ME3: variants seen among roughly 807,000 people sequenced by gnomAD.
The protein encoded by ME3 is NADP-dependent malic enzyme, mitochondrial.
Under a neutral mutation model 68.9 loss-of-function variants are expected in ME3, and 48 were observed. The ratio of observed to expected loss-of-function variants is 0.70; its 90% CI spans 0.55 to 0.89. The LOEUF (loss-of-function observed/expected upper bound fraction) is 0.89, where lower values mean the gene tolerates loss of function less well. Ranked by LOEUF, ME3 falls within the 40% of genes least tolerant of loss-of-function variation. The pLI, the probability that ME3 is intolerant of heterozygous loss-of-function variation, is 0.00. For synonymous variants in ME3, 320 were observed against 318.8 expected (o/e 1.00, Z -0.04); for missense variants, 675 against 797.4 (o/e 0.85, Z 1.85).
intron 5 of ME3, among the ~76,000 whole-genome samples, chr11:86,501,825 A>G (rs1042326907): frequency 6.6e-6 from 1 of 152,136 alleles, no homozygotes; most frequent in Non-Finnish European, 1.5e-5. Flanking sequence ...CATCTGTTCC[A>G]TTATCTTCAT....
intron 2 of ME3, among the ~76,000 whole-genome samples, chr11:86,605,587 G>A (rs1480343465): frequency 6.6e-6 from 1 of 152,092 alleles, no homozygotes; most frequent in East Asian, 1.9e-4. Context: ...TCTATGACCT[G>A]GCATTTTCTG....
At chr11:86,658,758 C>T (rs892929485) in intron 2 of ME3, among the ~76,000 whole-genome samples, 1 of 152,124 alleles carries the variant, frequency 6.6e-6, no homozygotes, top group Non-Finnish European at 1.5e-5. Context: ...TCATCTCCCA[C>T]AAGCATGGCT....
chr11:86,449,850 A>C (rs1949534266), intron 10 of ME3, 39 bp downstream of exon 10: 1 of 1,467,702 alleles, frequency 6.8e-7, no homozygotes, highest in Non-Finnish European at 9.5e-7. Flanking sequence ...GGGAGCTATA[A>C]GGTGTCAGGA....
At chr11:86,472,522 T>A (rs1176629173) in intron 7 of ME3, among the ~76,000 whole-genome samples, 1 of 152,166 alleles carries the variant, frequency 6.6e-6, no homozygotes. Context: ...GGGTAAAATA[T>A]GTTAAGGAAG....
At chr11:86,625,979 T>C (rs1266335760) in intron 2 of ME3, among the ~76,000 whole-genome samples, 3 of 152,224 alleles carry the variant, frequency 2.0e-5, no homozygotes, top group Admixed American at 6.5e-5. Flanking sequence ...TGCTGGTACA[T>C]AGTGCTATAT....
intron 4 of ME3, among the ~76,000 whole-genome samples, chr11:86,515,617 T>C (rs1459032283): frequency 6.6e-6 from 1 of 152,184 alleles, no homozygotes; most frequent in East Asian, 1.9e-4. Flanking sequence ...AATCTTAATA[T>C]TTGTCTAACC....
intron 2 of ME3, among the ~76,000 whole-genome samples, chr11:86,612,697 C>T (rs1478678956): frequency 1.3e-5 from 2 of 151,994 alleles, no homozygotes. Flanking sequence ...GATTGTTGGC[C>T]ATGTAAATGT....
intron 10 of ME3, among the ~76,000 whole-genome samples, chr11:86,448,995 G>C (rs1949479057): frequency 6.6e-6 from 1 of 152,216 alleles, no homozygotes; most frequent in African/African-American, 2.4e-5. Flanking sequence ...CCTGTGGCCA[G>C]ATTATGCTCT....
Position 86,549,880 on chromosome 11 carries a change from G to A in ME3, c.467+6673C>T, listed in dbSNP as rs1049517820. ...AACAATTTGGCTTGCTGAAGGTTGA[G>A]TTGGAGATGGAGGTTCTGTTATCTT... On this transcript the variant is annotated intron_variant, in intron 4 of 14. Transcript: ENST00000543262. 5.3e-5 allele frequency among the ~76,000 whole-genome samples: 8 copies of A among 152,328 alleles called. No individual in the cohort carries two copies. The East Asian group carries it at 1.5e-3, about 29-fold the overall frequency.
intron 2 of ME3, among the ~76,000 whole-genome samples, chr11:86,654,613 G>T (rs970691912): frequency 6.6e-6 from 1 of 152,108 alleles, no homozygotes; most frequent in Admixed American, 6.6e-5. Flanking sequence ...AATAAGAGCT[G>T]TCTATGACAA....
chr11:86,549,182 T>C (rs1473243989), intron 4 of ME3, among the ~76,000 whole-genome samples: 7 of 152,242 alleles, frequency 4.6e-5, no homozygotes, highest in Admixed American at 4.6e-4. Context: ...TTGGCTGTTC[T>C]AGTTACCTAA....
chr11:86,530,374 C>A (rs1482520669), intron 4 of ME3, among the ~76,000 whole-genome samples: 1 of 152,198 alleles, frequency 6.6e-6, no homozygotes, highest in African/African-American at 2.4e-5. Flanking sequence ...GAAGAACATT[C>A]CATGCTCATG....
downstream of ME3, among the ~76,000 whole-genome samples, chr11:86,440,504 G>T (rs1390683891): frequency 1.3e-5 from 2 of 152,108 alleles, no homozygotes; most frequent in African/African-American, 4.8e-5. Flanking sequence ...TCTCCCTATG[G>T]TGCTGTTCCT....
intron 4 of ME3, among the ~76,000 whole-genome samples, chr11:86,534,695 A>AATG (rs1955526735): frequency 6.6e-6 from 1 of 152,054 alleles, no homozygotes; most frequent in African/African-American, 2.4e-5. Flanking sequence ...TAATAATAAT[A>AATG]ATAACACTTA....
intron 7 of ME3, among the ~76,000 whole-genome samples, chr11:86,475,874 T>TATATATATATATATAGAGAG: frequency 2.0e-4 from 18 of 91,474 alleles, no homozygotes; most frequent in African/African-American, 7.5e-4. Flanking sequence ...TATATATATA[T>TATATATATATATATAGAGAG]AGAGAGAGAG....
At chr11:86,529,266 A>C (rs1007265611) in intron 4 of ME3, among the ~76,000 whole-genome samples, 2 of 152,232 alleles carry the variant, frequency 1.3e-5, no homozygotes, top group Non-Finnish European at 2.9e-5. Context: ...GAAGAAATGG[A>C]TAAATTCCTC....
intron 7 of ME3, among the ~76,000 whole-genome samples, chr11:86,472,066 G>A (rs1950812764): frequency 1.3e-5 from 2 of 152,288 alleles, no homozygotes; most frequent in African/African-American, 4.8e-5. Flanking sequence ...TGAAGGAAGA[G>A]CAGAGGTTCC....
At chr11:86,633,042 GA>G (rs1268293119) in intron 2 of ME3, among the ~76,000 whole-genome samples, 15 of 152,210 alleles carry the variant, frequency 9.9e-5, no homozygotes, top group Non-Finnish European at 2.2e-4. Flanking sequence ...GGTTCCCACA[GA>G]AAACTGCTGT....
At chr11:86,454,925 A>T (rs1264699368) in intron 8 of ME3, among the ~76,000 whole-genome samples, 1 of 152,250 alleles carries the variant, frequency 6.6e-6, no homozygotes, top group African/African-American at 2.4e-5. Context: ...CTAGATTTAT[A>T]CTTGGCTCAG....
Sources: gnomAD v4.1 joint callset for allele counts (sites outside exome capture counted in the v4.1 genomes callset) on GRCh38, gnomAD v4.1.1 for gene constraint, MANE v1.5 for transcripts, NCBI Gene and HGNC (gene_info 2026-07-23, HGNC 2026-07-21) for gene names.